The following LPP variants were observed in gnomAD, a reference collection of about 807,000 sequenced individuals.
The protein encoded by LPP is lipoma-preferred partner.
In LPP, 38 loss-of-function variants were observed where a neutral mutation model predicts 60.4. That is an observed-to-expected ratio of 0.63 (90% CI 0.49 to 0.83). The LOEUF (loss-of-function observed/expected upper bound fraction) is 0.83, where lower values mean the gene tolerates loss of function less well. Among genes scored for constraint, LPP ranks in the 40% least tolerant of loss-of-function variants. LPP has a pLI of 0.00. For synonymous variants in LPP, 328 were observed against 290.8 expected (o/e 1.13, Z -1.30); for missense variants, 902 against 783.6 (o/e 1.15, Z -1.80).
intron 7 of LPP, among the ~76,000 whole-genome samples, chr3:188,634,518 T>G (rs1199908653): frequency 6.6e-6 from 1 of 152,238 alleles, no homozygotes; most frequent in Non-Finnish European, 1.5e-5. Context: ...AGGTGGTCAG[T>G]GGCGGGCAAG....
chr3:188,850,178 CAG>C (rs1762395606), intron 9 of LPP, among the ~76,000 whole-genome samples: 2 of 152,182 alleles, frequency 1.3e-5, no homozygotes, highest in Non-Finnish European at 2.9e-5. Flanking sequence ...TAGAATGAAA[CAG>C]AGAAAACGGG....
intron 2 of LPP, among the ~76,000 whole-genome samples, chr3:188,327,742 CTT>C (rs1436224572): frequency 6.6e-6 from 1 of 152,108 alleles, no homozygotes; most frequent in East Asian, 1.9e-4. Flanking sequence ...ATGAGCTACT[CTT>C]TATCTTTCCT....
chr3:188,287,147 C>A (rs1432621494), intron 2 of LPP, among the ~76,000 whole-genome samples: 1 of 152,240 alleles, frequency 6.6e-6, no homozygotes, highest in Non-Finnish European at 1.5e-5. Flanking sequence ...GTGATCCCCC[C>A]ACCTCGGCTT....
intron 4 of LPP, among the ~76,000 whole-genome samples, chr3:188,435,559 T>C (rs1792092955): frequency 6.6e-6 from 1 of 152,190 alleles, no homozygotes; most frequent in Admixed American, 6.5e-5. Flanking sequence ...ATACCTGTTT[T>C]CTTTTCAGGA....
intron 7 of LPP, among the ~76,000 whole-genome samples, chr3:188,695,429 A>G (rs917311430): frequency 6.6e-6 from 1 of 152,162 alleles, no homozygotes; most frequent in African/African-American, 2.4e-5. Context: ...TCTCTCATCC[A>G]CCTTCCTGCC....
chr3:188,884,447 C>G lies in LPP; in HGVS notation c.*9968C>G. The G allele has an allele frequency of 4.4e-6, 1 of 229,616 alleles. No homozygotes were observed. Among genetic ancestry groups the G allele is most frequent in the Non-Finnish European group, 8.6e-6 (1 of 115,848 alleles). The allele number at this position is 229,616 out of a possible 1,614,324, so 14.2% of individuals were successfully genotyped here. On this transcript the variant is annotated 3_prime_UTR_variant, in exon 12 of 12. Coordinates refer to ENST00000617246, the MANE Select transcript of LPP (RefSeq NM_001375462.1). The stretch of plus-strand genomic sequence containing the variant: ...TGCGGTCTTTAGAGATCATTTAGAG[C>G]TTGCACACATCTGTGTCTTCTTGTG...
chr3:188,647,105 C>A (rs6764466), intron 7 of LPP, among the ~76,000 whole-genome samples: 1 of 152,110 alleles, frequency 6.6e-6, no homozygotes, highest in Non-Finnish European at 1.5e-5. Flanking sequence ...AGTTGGAACC[C>A]CTGTTTTGAA....
intron 1 of LPP, among the ~76,000 whole-genome samples, chr3:188,176,434 G>T (rs1402213754): frequency 6.6e-6 from 1 of 152,046 alleles, no homozygotes; most frequent in Non-Finnish European, 1.5e-5. Context: ...TCAAAATCAG[G>T]CACCCCGACT....
Position 188,612,488 on chromosome 3 carries a change from T to C in LPP, c.1113+2644T>C, listed in dbSNP as rs1277073051. 7.2e-5 allele frequency among the ~76,000 whole-genome samples: 11 copies of C among 152,326 alleles called. No individual in the cohort carries two copies. In the East Asian group the frequency reaches 2.1e-3, roughly 29 times the overall value. Reference sequence around the variant, plus strand: ...CTTATCCCAGTTCTTTCCTTGACATTCCTCTTCCAGTTTGAGGAAAACCTC... The same window carrying C: ...CTTATCCCAGTTCTTTCCTTGACATCCCTCTTCCAGTTTGAGGAAAACCTC... On this transcript the variant is annotated intron_variant, in intron 7 of 11. Transcript: ENST00000617246.
chr3:188,601,290 C>T (rs904098117), intron 6 of LPP, among the ~76,000 whole-genome samples: 3 of 152,094 alleles, frequency 2.0e-5, no homozygotes, highest in Admixed American at 6.6e-5. Flanking sequence ...ATAAAGTACA[C>T]TATTAACACG....
chr3:188,256,567 T>G (rs866896527), intron 2 of LPP, among the ~76,000 whole-genome samples: 1 of 152,226 alleles, frequency 6.6e-6, no homozygotes, highest in Non-Finnish European at 1.5e-5. Flanking sequence ...TAAGATTTTT[T>G]TTCACATTTT....
chr3:188,200,214 A>G (rs1259284103), intron 1 of LPP, among the ~76,000 whole-genome samples: 2 of 151,504 alleles, frequency 1.3e-5, no homozygotes, highest in South Asian at 2.1e-4. Context: ...TAACAAAGTT[A>G]TTGAAAAGAC....
At chr3:188,517,101 A>G (rs1257548435) in intron 5 of LPP, among the ~76,000 whole-genome samples, 1 of 152,184 alleles carries the variant, frequency 6.6e-6, no homozygotes, top group Non-Finnish European at 1.5e-5. Flanking sequence ...GCATTTATTG[A>G]ATGCTTATTA....
At chr3:188,729,014 C>T (rs779234271) in intron 8 of LPP, among the ~76,000 whole-genome samples, 2 of 152,060 alleles carry the variant, frequency 1.3e-5, no homozygotes, top group Non-Finnish European at 2.9e-5. Flanking sequence ...AGCTCTGTAC[C>T]TATGATTATG....
chr3:188,203,755 A>T (rs543116491), intron 1 of LPP, among the ~76,000 whole-genome samples: 233 of 150,690 alleles, frequency 1.5e-3, no homozygotes, highest in Non-Finnish European at 2.5e-3. Flanking sequence ...TGCTGGGATT[A>T]CAGGCATGAG....
intron 9 of LPP, among the ~76,000 whole-genome samples, chr3:188,835,673 T>C (rs1416345551): frequency 6.6e-6 from 1 of 152,000 alleles, no homozygotes; most frequent in Admixed American, 6.6e-5. Context: ...GCAAGACTCA[T>C]GTTAGGACTG....
At chr3:188,239,202 T>C (rs1722969640) in intron 2 of LPP, among the ~76,000 whole-genome samples, 1 of 152,222 alleles carries the variant, frequency 6.6e-6, no homozygotes, top group South Asian at 2.1e-4. Context: ...CAGGCACACC[T>C]GCAGGGATGC....
chr3:188,318,192 TA>T (rs1027125015), intron 2 of LPP, among the ~76,000 whole-genome samples: 17 of 152,174 alleles, frequency 1.1e-4, no homozygotes, highest in African/African-American at 4.1e-4. Flanking sequence ...TCACAGCACT[TA>T]AAAAATTATT....
At chr3:188,511,178 A>C (rs1166671352) in intron 5 of LPP, among the ~76,000 whole-genome samples, 19 of 81,684 alleles carry the variant, frequency 2.3e-4, no homozygotes, top group African/African-American at 3.9e-4. Context: ...CTTCCTTTCT[A>C]CCTGACTCTC....
Sources: gnomAD v4.1 joint callset for allele counts (sites outside exome capture counted in the v4.1 genomes callset) on GRCh38, gnomAD v4.1.1 for gene constraint, MANE v1.5 for transcripts, NCBI Gene and HGNC (gene_info 2026-07-23, HGNC 2026-07-21) for gene names.